CTNNA3: variants seen among roughly 807,000 people sequenced by gnomAD.
The protein encoded by CTNNA3 is catenin alpha-3.
CTNNA3 carries 76 observed loss-of-function variants against 95.7 expected under a neutral mutation model. That is an observed-to-expected ratio of 0.79 (90% CI 0.66 to 0.96). The LOEUF is 0.96. Ranked by LOEUF, CTNNA3 falls within the 40% of genes least tolerant of loss-of-function variation. CTNNA3 has a pLI of 0.00. For synonymous variants in CTNNA3, 431 were observed against 374.4 expected, an observed-to-expected ratio of 1.15 and a Z score of -1.74; for missense variants, 1,191 against 1,089.8, an observed-to-expected ratio of 1.09 and a Z score of -1.31.
At chr10:66,663,454 AG>A (rs1437018392) in intron 9 of CTNNA3, among the ~76,000 whole-genome samples, 1 of 132,062 alleles carries the variant, frequency 7.6e-6, no homozygotes, top group Non-Finnish European at 1.6e-5. Flanking sequence ...CCACTTAAAA[AG>A]GTTTTTGCCT....
At position 67,219,779 on chromosome 10, in the gene CTNNA3, G is replaced by C. The variant is rs978578575; in HGVS notation, c.671C>G (p.Ala224Gly). 6 of 1,613,968 alleles carry C rather than the reference G, an allele frequency of 3.7e-6. No individual in the cohort carries two copies. In the Admixed American group the frequency reaches 1.0e-4, roughly 27 times the overall value. ...NSPLLHSICS[A>G]CLEHSDVASL... ...AGCAACATCAGAATGCTCCAAACAA[G>C]CTGAACAAATTGAATGCAAGAGGGG... is the stretch of plus-strand genomic sequence containing the variant. The change falls in exon 6 of 18, where the codon GCT (alanine) becomes GGT (glycine). Residue 224 changes from alanine to glycine, a missense_variant. By Grantham distance (60) the Ala-to-Gly change is moderately conservative. Coordinates refer to ENST00000433211, the MANE Select transcript of CTNNA3 (RefSeq NM_013266.4).
At chr10:67,014,670 C>A (rs1852546544) in intron 7 of CTNNA3, among the ~76,000 whole-genome samples, 1 of 151,782 alleles carries the variant, frequency 6.6e-6, no homozygotes, top group African/African-American at 2.4e-5. Flanking sequence ...AAAAGAATGA[C>A]TATTCTTTCA....
At chr10:66,836,577 C>A (rs556456996) in intron 7 of CTNNA3, among the ~76,000 whole-genome samples, 1 of 152,192 alleles carries the variant, frequency 6.6e-6, no homozygotes, top group East Asian at 1.9e-4. Context: ...CCAGGCGAGT[C>A]CTGCAGTGGG....
At chr10:66,392,312 C>A (rs2092940105) in intron 11 of CTNNA3, among the ~76,000 whole-genome samples, 1 of 151,980 alleles carries the variant, frequency 6.6e-6, no homozygotes, top group South Asian at 2.1e-4. Context: ...CACCTGTAGT[C>A]CTAACTACTC....
chr10:66,835,167 A>G (rs1219146707), intron 7 of CTNNA3, among the ~76,000 whole-genome samples: 2 of 151,970 alleles, frequency 1.3e-5, no homozygotes, highest in Non-Finnish European at 2.9e-5. Context: ...CACATTAAAA[A>G]TCATGCCCTA....
intron 7 of CTNNA3, among the ~76,000 whole-genome samples, chr10:67,050,339 T>C (rs1005995564): frequency 1.3e-5 from 2 of 152,230 alleles, no homozygotes; most frequent in Admixed American, 1.3e-4. Context: ...CTACTTTTTC[T>C]TTTTGCAACT....
chr10:66,908,368 C>T (rs576988485), intron 7 of CTNNA3, among the ~76,000 whole-genome samples: 1 of 152,302 alleles, frequency 6.6e-6, no homozygotes, highest in African/African-American at 2.4e-5. Context: ...TGACAACAGG[C>T]TCACATTTCT....
intron 5 of CTNNA3, among the ~76,000 whole-genome samples, chr10:67,509,529 T>C (rs1839539347): frequency 6.6e-6 from 1 of 152,214 alleles, no homozygotes; most frequent in South Asian, 2.1e-4. Context: ...ACTCATCCTT[T>C]TTTATGGCTG....
intron 13 of CTNNA3, among the ~76,000 whole-genome samples, chr10:66,251,646 T>C (rs1417001813): frequency 6.6e-6 from 1 of 152,152 alleles, no homozygotes; most frequent in Non-Finnish European, 1.5e-5. Flanking sequence ...TATAATAATA[T>C]TACAGCTATA....
chr10:67,530,507 G>A (rs1223248190), intron 4 of CTNNA3, among the ~76,000 whole-genome samples: 1 of 152,206 alleles, frequency 6.6e-6, no homozygotes, highest in African/African-American at 2.4e-5. Flanking sequence ...TTGAACTTGA[G>A]AAAGATGATT....
chr10:66,448,546 A>G (rs1323914636), intron 11 of CTNNA3, among the ~76,000 whole-genome samples: 1 of 152,128 alleles, frequency 6.6e-6, no homozygotes, highest in African/African-American at 2.4e-5. Flanking sequence ...ATGAAACTGG[A>G]AACCATCATT....
chr10:66,387,504 A>G (rs1201511304), intron 11 of CTNNA3, among the ~76,000 whole-genome samples: 1 of 152,186 alleles, frequency 6.6e-6, no homozygotes, highest in East Asian at 1.9e-4. Context: ...GTGGGTGTGT[A>G]AATTGGTTCA....
At chr10:67,401,912 T>C (rs972902135) in intron 5 of CTNNA3, among the ~76,000 whole-genome samples, 1 of 152,180 alleles carries the variant, frequency 6.6e-6, no homozygotes, top group African/African-American at 2.4e-5. Flanking sequence ...CTTAGTTCTC[T>C]AAAAACTTTC....
intron 13 of CTNNA3, among the ~76,000 whole-genome samples, chr10:66,222,588 A>AAAAGAAAGAACG (rs1206129884): frequency 3.1e-5 from 4 of 127,678 alleles, no homozygotes; most frequent in African/African-American, 1.1e-4. Flanking sequence ...GAAGGAAAGA[A>AAAAGAAAGAACG]AAAGAAAGAA....
At chr10:66,988,258 G>A (rs931366325) in intron 7 of CTNNA3, among the ~76,000 whole-genome samples, 9 of 152,054 alleles carry the variant, frequency 5.9e-5, no homozygotes, top group Non-Finnish European at 1.2e-4. Flanking sequence ...GGATCATTGA[G>A]GTAGGATTAT....
chr10:67,434,981 T>A (rs903681027), intron 5 of CTNNA3, among the ~76,000 whole-genome samples: 1 of 151,974 alleles, frequency 6.6e-6, no homozygotes, highest in Non-Finnish European at 1.5e-5. Context: ...ACAGGTAGCC[T>A]CCGAAGCAGT....
chr10:66,490,750 T>C (rs533010646), intron 11 of CTNNA3, among the ~76,000 whole-genome samples: 2 of 152,226 alleles, frequency 1.3e-5, no homozygotes, highest in East Asian at 1.9e-4. Context: ...AGCAGAAGCA[T>C]GTGTGTAGTT....
At chr10:67,601,713 A>T (rs1044175928) in intron 3 of CTNNA3, among the ~76,000 whole-genome samples, 3 of 152,234 alleles carry the variant, frequency 2.0e-5, no homozygotes, top group Admixed American at 6.5e-5. Flanking sequence ...TTTAAAGAAA[A>T]TGTCAAATTT....
At chr10:67,637,455 G>A (rs1839358126) in intron 2 of CTNNA3, among the ~76,000 whole-genome samples, 1 of 152,184 alleles carries the variant, frequency 6.6e-6, no homozygotes, top group South Asian at 2.1e-4. Flanking sequence ...ATATTATCCA[G>A]AAGAACTTCC....
Sources: gnomAD v4.1 joint callset for allele counts (sites outside exome capture counted in the v4.1 genomes callset) on GRCh38, gnomAD v4.1.1 for gene constraint, MANE v1.5 for transcripts, NCBI Gene and HGNC (gene_info 2026-07-23, HGNC 2026-07-21) for gene names.